Variants in GRB10 observed in about 807,000 individuals in gnomAD.
The protein encoded by GRB10 is growth factor receptor-bound protein 10.
A neutral mutation model predicts 80.9 loss-of-function variants in GRB10; 20 were observed. That is an observed-to-expected ratio of 0.25 (90% CI 0.17 to 0.36). GRB10 has a LOEUF of 0.36. Among genes scored for constraint, GRB10 ranks in the 10% least tolerant of loss-of-function variants. The pLI is 1.00. For synonymous variants in GRB10, 291 were observed against 291.5 expected (o/e 1.00, Z 0.02); for missense variants, 548 against 747.7 (o/e 0.73, Z 3.12).
chr7:50,665,393 T>A (rs1026186874), intron 7 of GRB10, among the ~76,000 whole-genome samples: 1 of 152,246 alleles, frequency 6.6e-6, no homozygotes, highest in Admixed American at 6.5e-5. Context: ...CCAAGAAGTC[T>A]AGAAAGACAA....
At chr7:50,620,782 C>G (rs755956969) in intron 8 of GRB10, among the ~76,000 whole-genome samples, 5 of 152,128 alleles carry the variant, frequency 3.3e-5, no homozygotes, top group Non-Finnish European at 7.3e-5. Context: ...AAAACTGTTA[C>G]GTTTGCTTTC....
intron 1 of GRB10, chr7:50,793,041 G>C (rs1305976742): frequency 3.5e-5 from 5 of 143,138 alleles, no homozygotes; most frequent in African/African-American, 1.3e-4. Flanking sequence ...CGGGGCGCCG[G>C]AGCCCCCGGC....
intron 13 of GRB10, 81 bp downstream of exon 13, chr7:50,612,660 T>C (rs2049778997): frequency 1.1e-6 from 1 of 875,824 alleles, no homozygotes; most frequent in African/African-American, 1.6e-5. Context: ...AGCATTTTCC[T>C]GCCAGAATAG....
chr7:50,618,255 G>A (rs2051008672), intron 9 of GRB10, 116 bp from the exon 10 acceptor site: 1 of 776,002 alleles, frequency 1.3e-6, no homozygotes. Context: ...ACATACACCT[G>A]TATTTAAAAT....
chr7:50,735,985 C>T (rs1250442433), intron 3 of GRB10, among the ~76,000 whole-genome samples: 4 of 152,182 alleles, frequency 2.6e-5, no homozygotes, highest in Non-Finnish European at 4.4e-5. Flanking sequence ...TCACACTTCC[C>T]GATTTCAAAA....
intron 11 of GRB10, among the ~76,000 whole-genome samples, chr7:50,615,892 T>TA (rs1278197741): frequency 6.6e-6 from 1 of 152,196 alleles, no homozygotes; most frequent in Non-Finnish European, 1.5e-5. Flanking sequence ...ACAGCTAGCT[T>TA]AAATCCCAAC....
chr7:50,601,331 T>A (rs1345371655), intron 17 of GRB10, among the ~76,000 whole-genome samples: 1 of 152,210 alleles, frequency 6.6e-6, no homozygotes, highest in Non-Finnish European at 1.5e-5. Context: ...AAATGTTTTA[T>A]GCAATTTACA....
intron 7 of GRB10, among the ~76,000 whole-genome samples, chr7:50,639,596 CG>C (rs1037951098): frequency 6.6e-6 from 1 of 151,846 alleles, no homozygotes; most frequent in African/African-American, 2.4e-5. Flanking sequence ...TGGCGTGAAC[CG>C]GGGAGGCGGA....
At chr7:50,785,434 C>A (rs367883932), upstream of GRB10, among the ~76,000 whole-genome samples, 6 of 152,370 alleles carry the variant, frequency 3.9e-5, no homozygotes, top group East Asian at 1.2e-3. Flanking sequence ...ACAGCCTCCT[C>A]CTACCAGGGC....
rs569479385 is a variant in GRB10, at chr7:50,666,788, C to T, written c.504+2934G>A. On this transcript the variant is annotated intron_variant, in intron 7 of 18. Coordinates refer to ENST00000401949, the MANE Select transcript of GRB10 (RefSeq NM_001350814.2). Reference sequence around the variant, plus strand: ...AGGCGCAGTGGCTCACATCTGTAATCCCAGCACTTTGGGAGGCCGAGGTGG... The same window carrying T: ...AGGCGCAGTGGCTCACATCTGTAATTCCAGCACTTTGGGAGGCCGAGGTGG... Among the ~76,000 whole-genome samples the T allele has an allele frequency of 4.6e-5, 7 of 152,094 alleles. No individual in the cohort carries two copies. In the South Asian group the frequency reaches 1.2e-3, roughly 27 times the overall value.
chr7:50,634,625 A>G (rs1047810115), intron 7 of GRB10, among the ~76,000 whole-genome samples: 1 of 152,234 alleles, frequency 6.6e-6, no homozygotes, highest in Non-Finnish European at 1.5e-5. Flanking sequence ...AGACCCAGCC[A>G]TCTGCTGCCT....
At chr7:50,671,420 A>G (rs1032670027) in intron 6 of GRB10, among the ~76,000 whole-genome samples, 5 of 152,160 alleles carry the variant, frequency 3.3e-5, no homozygotes, top group Admixed American at 1.3e-4. Flanking sequence ...AACTTTCCCT[A>G]TTTTTTAAAG....
At chr7:50,622,907 T>A (rs532898036) in intron 8 of GRB10, among the ~76,000 whole-genome samples, 1 of 152,264 alleles carries the variant, frequency 6.6e-6, no homozygotes, top group East Asian at 1.9e-4. Context: ...CCTCCTGCCT[T>A]GGCCTTCCAA....
chr7:50,714,080 T>G (rs1217440756), intron 4 of GRB10, among the ~76,000 whole-genome samples: 5 of 151,308 alleles, frequency 3.3e-5, no homozygotes, highest in Non-Finnish European at 7.4e-5. Context: ...CTTCCTCCCC[T>G]ACCTTCACCC....
intron 5 of GRB10, among the ~76,000 whole-genome samples, chr7:50,687,778 T>C (rs192392681): frequency 2.4e-4 from 37 of 152,034 alleles, no homozygotes; most frequent in Non-Finnish European, 4.4e-4. Context: ...ATATGAGAAG[T>C]TGGTGCTTGG....
At chr7:50,704,068 A>G (rs1329161233) in intron 4 of GRB10, among the ~76,000 whole-genome samples, 160 bp from the exon 5 acceptor site, 2 of 152,232 alleles carry the variant, frequency 1.3e-5, no homozygotes, top group Non-Finnish European at 2.9e-5. Context: ...TTGAAAACAG[A>G]CTGCATAAGG....
intron 7 of GRB10, among the ~76,000 whole-genome samples, chr7:50,644,626 TCTAA>T (rs768843894): frequency 6.6e-6 from 1 of 152,140 alleles, no homozygotes. Context: ...GCAGGACAGG[TCTAA>T]CTGTGATTTC....
At chr7:50,634,351 T>C (rs1171722682) in intron 7 of GRB10, among the ~76,000 whole-genome samples, 3 of 152,164 alleles carry the variant, frequency 2.0e-5, no homozygotes, top group Non-Finnish European at 4.4e-5. Context: ...CTGAGGGAAT[T>C]TGCCACTACT....
intron 7 of GRB10, among the ~76,000 whole-genome samples, chr7:50,639,499 C>CA: frequency 7.5e-6 from 1 of 132,656 alleles, no homozygotes; most frequent in Non-Finnish European, 1.7e-5. Context: ...CACGGTGAAA[C>CA]CGTCTCTACT....
Sources: allele counts gnomAD v4.1 joint callset (sites outside exome capture counted in the v4.1 genomes callset), GRCh38; gene constraint gnomAD v4.1.1; transcripts MANE v1.5; gene names NCBI Gene and HGNC (gene_info 2026-07-23, HGNC 2026-07-21).